Variants in INTS1 observed in about 807,000 individuals in gnomAD.
INTS1 encodes the protein integrator complex subunit 1.
INTS1 carries 137 observed loss-of-function variants against 241.6 expected under a neutral mutation model. That is an observed-to-expected ratio of 0.57 (90% CI 0.49 to 0.65). The LOEUF (loss-of-function observed/expected upper bound fraction) is 0.65, where lower values mean the gene tolerates loss of function less well. Ranked by LOEUF, INTS1 falls within the 30% of genes least tolerant of loss-of-function variation. INTS1 has a pLI of 0.00. For missense variants in INTS1, 3,073 were observed against 3,032.2 expected (o/e 1.01, Z -0.32); for synonymous variants, 1,692 against 1,337.8 (o/e 1.26, Z -5.78).
rs763580071 is a variant in INTS1 at position 1,499,993 on chromosome 7, G to A, written c.575C>T (p.Ala192Val). The A allele has an allele frequency of 3.1e-6, 5 of 1,613,368 alleles. No individual in the cohort carries two copies. In the South Asian group the frequency reaches 5.5e-5, roughly 18 times the overall value. Reference protein sequence around the residue: ...EALCSLLRRDASINFKAKGNS... With the variant: ...EALCSLLRRDVSINFKAKGNS... ...CCCCTTGGCCTTGAAGTTGATGGAG[G>A]CGTCCCGCCGCAGGAGGCTACACAG... Residue 192 changes from alanine (A) to valine (V), a missense_variant, in exon 5 of 48, where the codon GCC (alanine) becomes GTC (valine). Coordinates refer to ENST00000404767, the MANE Select transcript of INTS1 (RefSeq NM_001080453.3).
Position 1,477,677 on chromosome 7 carries a change from C to A in INTS1, c.4815-4G>T. On this transcript the variant is annotated splice_polypyrimidine_tract_variant and splice_region_variant and intron_variant, in intron 34 of 47. Transcript: ENST00000404767. The stretch of plus-strand genomic sequence containing the variant: ...CCCCAGCCGCACGGCCTCCAGGCTG[C>A]AGGGAGAAGGTGGCTCAGGGAAGGG... 1 of 1,597,864 alleles carries A rather than the reference C, an allele frequency of 6.3e-7. No homozygotes were observed. The highest frequency in any genetic ancestry group is 8.5e-7 in the Non-Finnish European group (1 of 1,172,338).
chr7:1,500,502 A>C (rs1409519734), intron 3 of INTS1, 136 bp from the exon 4 acceptor site: 4 of 992,156 alleles, frequency 4.0e-6, no homozygotes, highest in Non-Finnish European at 4.3e-6. Flanking sequence ...CACCCTCAGC[A>C]AAGTTCCCAC....
At position 1,499,581 on chromosome 7, in the gene INTS1, A is replaced by G. The variant is rs766955094; in HGVS notation, c.736T>C (p.Cys246Arg). ...GERIWVDSPH[C>R]KTFVDNIQTA... ...TGGATGTTGTCCACAAACGTCTTAC[A>G]GTGAGGGCTGTCCACCCAGATCCGC... Residue 246 changes from cysteine to arginine, a missense_variant, in exon 6 of 48, where the codon TGT (cysteine) becomes CGT (arginine). Coordinates refer to ENST00000404767, the MANE Select transcript of INTS1 (RefSeq NM_001080453.3). 2 of 1,613,456 alleles carry G rather than the reference A, an allele frequency of 1.2e-6. No individual in the cohort carries two copies. The highest frequency in any genetic ancestry group is 1.7e-6 in the Non-Finnish European group (2 of 1,179,660).
In INTS1 at chr7:1,470,846, C is replaced by T. The variant is rs1232346806; in HGVS notation, c.6457G>A (p.Glu2153Lys). The part of the protein sequence containing the change: ...NLPEYALLCQ[E>K]HAAVLLHRAF... ...CCCTGGGCGGGGGGCCAGTCCTCAC[C>T]TTGGCACAGGAGAGCGTACTCAGGC... Residue 2153 changes from glutamate to lysine, a missense_variant and splice_region_variant, in exon 47 of 48, where the codon GAG (glutamate) becomes AAG (lysine). Glu to Lys is a moderately conservative substitution (Grantham distance 56). Coordinates refer to ENST00000404767, the MANE Select transcript of INTS1 (RefSeq NM_001080453.3). 1 of 1,584,852 alleles carries T rather than the reference C, an allele frequency of 6.3e-7. No homozygotes were observed. The highest frequency in any genetic ancestry group is 1.8e-5 in the Admixed American group (1 of 55,852).
At position 1,473,058 on chromosome 7, in the gene INTS1, G is replaced by A. The variant is rs773729065; in HGVS notation, c.6070+14C>T. On this transcript the variant is annotated intron_variant, in intron 43 of 47. Transcript: ENST00000404767. Reference sequence around the variant, plus strand: ...CCGCAGCTGCTTCCAGCAGCCCCTGGCAGCCCCACTCACCCTCGCCCTCTT... The same window carrying A: ...CCGCAGCTGCTTCCAGCAGCCCCTGACAGCCCCACTCACCCTCGCCCTCTT... 6.4e-7 allele frequency: 1 copy of A among 1,554,670 alleles called. No homozygotes were observed. Among genetic ancestry groups the A allele is most frequent in the Non-Finnish European group, 8.8e-7 (1 of 1,135,708 alleles).
intron 26 of INTS1, 60 bp from the exon 27 acceptor site, chr7:1,482,767 C>T (rs562076507): frequency 5.3e-5 from 84 of 1,578,338 alleles, no homozygotes; most frequent in Middle Eastern, 1.7e-4. Flanking sequence ...CCCCAAGCAC[C>T]GCTGGTGCCA....
intron 3 of INTS1, among the ~76,000 whole-genome samples, chr7:1,501,736 G>A (rs889413058): frequency 4.6e-5 from 7 of 152,078 alleles, no homozygotes; most frequent in African/African-American, 1.4e-4. Flanking sequence ...TCTGAGGCTC[G>A]ACCTCCTAAA....
Position 1,476,611 on chromosome 7 carries a change from C to T in INTS1, c.5110G>A (p.Val1704Ile). Residue 1704 changes from valine (V) to isoleucine (I), a missense_variant, in exon 37 of 48, where the codon GTT becomes ATT. By Grantham distance (29) the Val-to-Ile change is conservative. Coordinates refer to ENST00000404767, the MANE Select transcript of INTS1 (RefSeq NM_001080453.3). The stretch of plus-strand genomic sequence containing the variant: ...TCCCGCCCCTGCCAGATGCGAGGAA[C>T]ATGGATGCAGGCCCAGAGGAAGTCC... ...SLDFLWACIH[V>I]PRIWQGRDQR... The T allele has an allele frequency of 1.2e-6, 2 of 1,612,638 alleles. No homozygotes were observed. The highest frequency in any genetic ancestry group is 8.5e-7 in the Non-Finnish European group (1 of 1,179,884).
rs1363713272 is a variant in INTS1 at position 1,476,794 on chromosome 7, C to T, written c.5063G>A (p.Arg1688Lys). The T allele has an allele frequency of 5.6e-6, 9 of 1,612,720 alleles. No homozygotes were observed. The African/African-American group carries it at 1.1e-4, about 19-fold the overall frequency. The change falls in exon 36 of 48, where the codon AGG becomes AAG. Residue 1688 changes from arginine (R) to lysine (K), a missense_variant and splice_region_variant. Physicochemically the swap from Arg to Lys is conservative, Grantham distance 26. Transcript: ENST00000404767. ...RVLLGKSREQ[R>K]FDPSASLDFL... ...AGGTTGGGGACAGGGAGGCGCCCAC[C>T]TCTGTTCCCGGCTCTTGCCCAGCAG...
intron 16 of INTS1, among the ~76,000 whole-genome samples, chr7:1,492,331 A>C (rs1782593167): frequency 6.6e-6 from 1 of 152,138 alleles, no homozygotes; most frequent in Non-Finnish European, 1.5e-5. Context: ...CCGGGGAAGG[A>C]GGCTGGTCAC....
intron 2 of INTS1, among the ~76,000 whole-genome samples, chr7:1,503,702 G>A (rs1011371198): frequency 3.3e-5 from 5 of 152,196 alleles, no homozygotes; most frequent in African/African-American, 1.2e-4. Context: ...GGTCCCGAAG[G>A]AAGTCGCCAC....
intron 40 of INTS1, 104 bp from the exon 41 acceptor site, chr7:1,474,464 GC>G (rs1781620131): frequency 3.2e-6 from 4 of 1,238,772 alleles, no homozygotes; most frequent in Non-Finnish European, 3.2e-6. Flanking sequence ...ACCCCGTGCT[GC>G]CCCCCAACCA....
In INTS1 at chr7:1,481,305, G is replaced by A. The variant is rs369175627; in HGVS notation, c.3850+37C>T. 105 of 1,610,754 alleles carry A rather than the reference G, an allele frequency of 6.5e-5. No homozygotes were observed. The highest frequency in any genetic ancestry group is 2.7e-4 in the African/African-American group (20 of 74,880). ...CTGGCCGGGCTGGGGCTCGGTCAGC[G>A]TGTGTGAACCCACTCCGCAGGTCCC... On this transcript the variant is annotated intron_variant, in intron 28 of 47. Transcript: ENST00000404767. This position sits in a 1 kb window ranked among gnomAD's most constrained non-coding sequence, Gnocchi z 6.8.
chr7:1,472,764 C>T lies in INTS1; in HGVS notation c.6070+308G>A, dbSNP rs1019796996. On this transcript the variant is annotated intron_variant, in intron 43 of 47. Coordinates refer to ENST00000404767, the MANE Select transcript of INTS1 (RefSeq NM_001080453.3). ...CCTTGCCCAGTAGGACCAGGGGAGG[C>T]TTCCTGGGGAGGGACACCTCGGACA... is the stretch of plus-strand genomic sequence containing the variant. Among the ~76,000 whole-genome samples the T allele has an allele frequency of 3.4e-4, 47 of 137,448 alleles. 1 individual carries two copies. 90.2% of individuals were successfully genotyped at this position (137,448 alleles called of 152,430 possible).
rs1216396732 is a variant in INTS1 at position 1,471,357 on chromosome 7, C to A, written c.6256-133G>T. On this transcript the variant is annotated intron_variant, in intron 45 of 47. Transcript: ENST00000404767. The stretch of plus-strand genomic sequence containing the variant: ...GCCCCTATCCAGAAGGCAGGACGCA[C>A]GTGCCACTGGCCGGTCCCAGCCCGG... 2 of 1,045,988 alleles carry A rather than the reference C, an allele frequency of 1.9e-6. 1 individual carries two copies. Among genetic ancestry groups the A allele is most frequent in the South Asian group, 3.0e-5 (2 of 67,154 alleles). 64.8% of individuals were successfully genotyped at this position (1,045,988 alleles called of 1,614,324 possible). A position where few individuals can be genotyped will look rare whatever the true frequency, so the allele number is the denominator to read the frequency against.
chr7:1,496,602 G>A (rs1239145826), intron 11 of INTS1, among the ~76,000 whole-genome samples: 1 of 152,134 alleles, frequency 6.6e-6, no homozygotes, highest in Non-Finnish European at 1.5e-5. Flanking sequence ...GTTGGGAGAG[G>A]GGCCTGACAG....
rs1210788230 is a variant in INTS1, at chr7:1,497,931, G to C, written c.1425+481C>G. Among the ~76,000 whole-genome samples, 1 of 152,232 alleles carries C rather than the reference G, an allele frequency of 6.6e-6. No individual in the cohort carries two copies. The highest frequency in any genetic ancestry group is 1.5e-5 in the Non-Finnish European group (1 of 68,046). ...GACCCAATGCACAGGAGGCGGGTCT[G>C]GGCCAGGCACAGGGGCTCATGCCTG... On this transcript the variant is annotated intron_variant, in intron 10 of 47. Coordinates refer to ENST00000404767, the MANE Select transcript of INTS1 (RefSeq NM_001080453.3). The surrounding 1 kb of genome is among the most constrained non-coding windows in gnomAD (Gnocchi z 5.3).
At chr7:1,503,256 C>G in intron 2 of INTS1, 65 bp from the exon 3 acceptor site, 4 of 1,459,032 alleles carry the variant, frequency 2.7e-6, no homozygotes, top group Non-Finnish European at 3.7e-6. Flanking sequence ...AAGACTGACT[C>G]TAACCTCCTG....
intron 41 of INTS1, among the ~76,000 whole-genome samples, 162 bp downstream of exon 41, chr7:1,474,006 G>A (rs1164390175): frequency 6.6e-6 from 1 of 152,222 alleles, no homozygotes; most frequent in Non-Finnish European, 1.5e-5. Context: ...GGGGCAGCAG[G>A]CAGGGGCTTC....
Sources: gnomAD v4.1 joint callset for allele counts (sites outside exome capture counted in the v4.1 genomes callset) on GRCh38, gnomAD v4.1.1 for gene constraint, Gnocchi (gnomAD v3.1) non-coding constraint, MANE v1.5 for transcripts, NCBI Gene and HGNC (gene_info 2026-07-23, HGNC 2026-07-21) for gene names.